The following CBLB variants were observed in gnomAD, a reference collection of about 807,000 sequenced individuals.
CBLB encodes E3 ubiquitin-protein ligase CBL-B.
CBLB carries 31 observed loss-of-function variants against 104.9 expected under a neutral mutation model. The ratio of observed to expected loss-of-function variants is 0.30; its 90% confidence interval spans 0.22 to 0.40. The LOEUF (loss-of-function observed/expected upper bound fraction) is 0.40, where lower values mean the gene tolerates loss of function less well. Among genes scored for constraint, CBLB ranks in the 10% least tolerant of loss-of-function variants. The pLI is 1.00. For missense variants in CBLB, 1,062 were observed against 1,214.6 expected, an observed-to-expected ratio of 0.87 and a Z score of 1.87; for synonymous variants, 440 against 422.6, an observed-to-expected ratio of 1.04 and a Z score of -0.51.
intron 3 of CBLB, among the ~76,000 whole-genome samples, chr3:105,845,555 A>T (rs1400205703): frequency 1.4e-5 from 2 of 144,804 alleles, no homozygotes; most frequent in Non-Finnish European, 3.1e-5. Flanking sequence ...AACTGCTATT[A>T]AAAAAAAAAA....
At chr3:105,665,143 C>T (rs2064230571) in intron 18 of CBLB, among the ~76,000 whole-genome samples, 1 of 151,966 alleles carries the variant, frequency 6.6e-6, no homozygotes, top group African/African-American at 2.4e-5. Context: ...TGGCTCACGC[C>T]TATAATCCTA....
intron 5 of CBLB, among the ~76,000 whole-genome samples, chr3:105,747,204 C>G (rs1452811292): frequency 6.6e-6 from 1 of 151,948 alleles, no homozygotes; most frequent in Non-Finnish European, 1.5e-5. Context: ...ACATTTATTC[C>G]AAGGAACTGG....
At chr3:105,708,819 T>C (rs558458601) in intron 10 of CBLB, among the ~76,000 whole-genome samples, 84 of 152,102 alleles carry the variant, frequency 5.5e-4, no homozygotes, top group Admixed American at 5.4e-3. Flanking sequence ...TTATAAACAT[T>C]ATGTAAAATA....
At chr3:105,777,807 G>A (rs2079656334) in intron 3 of CBLB, among the ~76,000 whole-genome samples, 1 of 152,146 alleles carries the variant, frequency 6.6e-6, no homozygotes, top group Non-Finnish European at 1.5e-5. Context: ...TGGGGATTCT[G>A]ACAAGATTTA....
At chr3:105,722,198 CAAAAAAAA>C (rs5851468) in intron 9 of CBLB, among the ~76,000 whole-genome samples, 8 of 84,420 alleles carry the variant, frequency 9.5e-5, no homozygotes, top group East Asian at 3.1e-4. Context: ...GACCCCGTGC[CAAAAAAAA>C]AAAAAAAAAA....
chr3:105,799,592 G>C (rs1577303580), intron 3 of CBLB, among the ~76,000 whole-genome samples: 2 of 151,424 alleles, frequency 1.3e-5, no homozygotes, highest in South Asian at 2.1e-4. Context: ...ACATACAAGT[G>C]ATTTTTTTAT....
At chr3:105,847,392 CCA>C (rs112192218) in intron 3 of CBLB, among the ~76,000 whole-genome samples, 16,193 of 143,164 alleles carry the variant, frequency 0.11, 1,160 homozygotes, top group Admixed American at 0.19. Flanking sequence ...TAACCCTCCA[CCA>C]CACACACACA....
At chr3:105,664,366 A>G (rs1285780046) in intron 18 of CBLB, among the ~76,000 whole-genome samples, 1 of 152,176 alleles carries the variant, frequency 6.6e-6, no homozygotes, top group Non-Finnish European at 1.5e-5. Context: ...AATGACATTT[A>G]TTTTTTAAAA....
chr3:105,799,267 A>G (rs1416375074), intron 3 of CBLB, among the ~76,000 whole-genome samples: 1 of 152,154 alleles, frequency 6.6e-6, no homozygotes, highest in Non-Finnish European at 1.5e-5. Flanking sequence ...TAAAAAAGCA[A>G]ATTAGCAAAA....
At chr3:105,729,804 A>G (rs891114392) in intron 9 of CBLB, among the ~76,000 whole-genome samples, 13 of 152,122 alleles carry the variant, frequency 8.5e-5, no homozygotes, top group Non-Finnish European at 1.2e-4. Context: ...TAACTAGATT[A>G]ACTTTATAGG....
chr3:105,726,417 G>A (rs2073643979), intron 9 of CBLB, among the ~76,000 whole-genome samples: 1 of 152,042 alleles, frequency 6.6e-6, no homozygotes, highest in African/African-American at 2.4e-5. Flanking sequence ...TTGAATTAAA[G>A]TCCTTGGCAG....
rs778070681 is a variant in CBLB, at chr3:105,751,544, A to C, written c.641T>G (p.Met214Arg). The C allele has an allele frequency of 6.2e-7, 1 of 1,610,978 alleles. No individual in the cohort carries two copies. Among genetic ancestry groups the C allele is most frequent in the South Asian group, 1.1e-5 (1 of 90,996 alleles). Residue 214 changes from methionine (M) to arginine (R), a missense_variant, in exon 5 of 19, where the codon ATG (methionine) becomes AGG (arginine). Met to Arg is a moderately conservative substitution (Grantham distance 91, BLOSUM62 -1). This residue lies in a region of CBLB where 457 missense variants were observed against 632.0 expected (regional missense o/e 0.72). Transcript: ENST00000394030. The stretch of plus-strand genomic sequence containing the variant: ...TAAATCAATTGTTGATTTTAGAGCC[A>C]TTGCTTCCAGGCCAGAGCTAATCTG... ...VHQISSGLEA[M>R]ALKSTIDLTC...
chr3:105,655,593 A>G lies in CBLB; in HGVS notation c.*3377T>C, dbSNP rs1326452583. On this transcript the variant is annotated 3_prime_UTR_variant, in exon 19 of 19. Transcript: ENST00000394030. ...ACATATGACTATTTTGCCACATCAC[A>G]CAAGTTTTAAAAAGGCATTTTAAAA... 1.1e-5 allele frequency: 2 copies of G among 184,168 alleles called. No homozygotes were observed. Among genetic ancestry groups the G allele is most frequent in the Non-Finnish European group, 2.3e-5 (2 of 86,784 alleles). 11.4% of individuals were successfully genotyped at this position (184,168 alleles called of 1,614,324 possible).
chr3:105,663,735 C>T lies in CBLB; in HGVS notation c.2690-4506G>A, dbSNP rs76317773. On this transcript the variant is annotated intron_variant, in intron 18 of 18. Coordinates refer to ENST00000394030, the MANE Select transcript of CBLB (RefSeq NM_170662.5). Reference sequence around the variant, plus strand: ...ATTACTCTAGGTCATACATTCTAGACGGGGGCAATCATTGGTTCTTGTGGG... The same window carrying T: ...ATTACTCTAGGTCATACATTCTAGATGGGGGCAATCATTGGTTCTTGTGGG... 6.4e-3 allele frequency among the ~76,000 whole-genome samples: 970 copies of T among 152,042 alleles called. 12 individuals carry two copies. The highest frequency in any genetic ancestry group is 0.022 in the African/African-American group (919 of 41,486).
intron 3 of CBLB, among the ~76,000 whole-genome samples, chr3:105,806,980 T>C (rs2083588171): frequency 6.6e-6 from 1 of 152,220 alleles, no homozygotes; most frequent in Non-Finnish European, 1.5e-5. Context: ...GTTATTGAGC[T>C]GCACAGGGAC....
intron 4 of CBLB, among the ~76,000 whole-genome samples, chr3:105,771,874 AC>A (rs1446306218): frequency 6.6e-6 from 1 of 152,188 alleles, no homozygotes; most frequent in Non-Finnish European, 1.5e-5. Flanking sequence ...ACACTGAAAC[AC>A]AGAAATTATA....
intron 10 of CBLB, among the ~76,000 whole-genome samples, chr3:105,716,513 T>A (rs886364220): frequency 6.6e-6 from 1 of 152,164 alleles, no homozygotes; most frequent in African/African-American, 2.4e-5. Flanking sequence ...ATCATAGCAA[T>A]ATTCTTCCAA....
intron 4 of CBLB, among the ~76,000 whole-genome samples, chr3:105,773,899 T>A (rs1490836491): frequency 2.0e-5 from 3 of 152,244 alleles, no homozygotes; most frequent in African/African-American, 7.2e-5. Flanking sequence ...ACTGTTCCCC[T>A]TGGGCCACAA....
intron 10 of CBLB, among the ~76,000 whole-genome samples, chr3:105,718,528 C>T (rs915615719): frequency 3.9e-5 from 6 of 152,172 alleles, no homozygotes; most frequent in African/African-American, 1.4e-4. Context: ...TGTCAAAATT[C>T]CACTACCAAG....
Sources: allele counts gnomAD v4.1 joint callset (sites outside exome capture counted in the v4.1 genomes callset), GRCh38; gene constraint gnomAD v4.1.1; regional missense constraint gnomAD v4.1.1; transcripts MANE v1.5; gene names NCBI Gene and HGNC (gene_info 2026-07-23, HGNC 2026-07-21).